HIPK2: variants seen among roughly 807,000 people sequenced by gnomAD.
HIPK2 encodes the protein homeodomain-interacting protein kinase 2.
Under a neutral mutation model 113.7 loss-of-function variants are expected in HIPK2, and 27 were observed. The ratio of observed to expected loss-of-function variants is 0.24; its 90% CI spans 0.17 to 0.33. The LOEUF is 0.33. HIPK2 is among the 10% of genes least tolerant of loss of function. The pLI is 1.00. For synonymous variants in HIPK2, 631 were observed against 642.2 expected (o/e 0.98, Z 0.26); for missense variants, 1,257 against 1,588.0 (o/e 0.79, Z 3.54).
chr7:139,596,444 C>T (rs1435685986), intron 12 of HIPK2, among the ~76,000 whole-genome samples: 3 of 152,108 alleles, frequency 2.0e-5, no homozygotes, highest in Non-Finnish European at 2.9e-5. Flanking sequence ...ATTGTGTGCC[C>T]GATTTTTATG....
chr7:139,741,369 T>C (rs1796094934), intron 1 of HIPK2, among the ~76,000 whole-genome samples: 1 of 152,164 alleles, frequency 6.6e-6, no homozygotes, highest in Admixed American at 6.5e-5. Context: ...CTGGACCCCA[T>C]CCTTCGTATC....
intron 1 of HIPK2, among the ~76,000 whole-genome samples, chr7:139,740,409 C>T (rs1796066309): frequency 6.6e-6 from 1 of 152,242 alleles, no homozygotes; most frequent in South Asian, 2.1e-4. Context: ...TGAAGAGGCG[C>T]TCTGTGCAAA....
chr7:139,603,003 G>A (rs1183552585), intron 10 of HIPK2, among the ~76,000 whole-genome samples: 1 of 152,190 alleles, frequency 6.6e-6, no homozygotes. Context: ...GGTGGCATGA[G>A]GGCGTTGCCA....
At chr7:139,734,320 C>T (rs971211568) in intron 1 of HIPK2, among the ~76,000 whole-genome samples, 2 of 152,184 alleles carry the variant, frequency 1.3e-5, no homozygotes, top group Admixed American at 6.5e-5. Flanking sequence ...CACCTAATAA[C>T]TTTTCTGAAC....
chr7:139,643,744 C>G (rs1801111860), intron 2 of HIPK2, among the ~76,000 whole-genome samples: 1 of 152,192 alleles, frequency 6.6e-6, no homozygotes, highest in Admixed American at 6.5e-5. Context: ...AAAAAGAAAA[C>G]TATGAATTGT....
At chr7:139,763,483 C>CA (rs1554459019) in intron 1 of HIPK2, among the ~76,000 whole-genome samples, 1 of 134,784 alleles carries the variant, frequency 7.4e-6, no homozygotes, top group Non-Finnish European at 1.5e-5. Flanking sequence ...CCCCCCCCCC[C>CA]ACACGCCCCT....
At chr7:139,773,129 T>A (rs1019442291) in intron 1 of HIPK2, among the ~76,000 whole-genome samples, 12 of 152,128 alleles carry the variant, frequency 7.9e-5, no homozygotes, top group Admixed American at 7.2e-4. Flanking sequence ...GTTTGCTGAA[T>A]GAATGCGTTA....
At chr7:139,743,624 C>T (rs1272627887) in intron 1 of HIPK2, among the ~76,000 whole-genome samples, 1 of 152,152 alleles carries the variant, frequency 6.6e-6, no homozygotes, top group Non-Finnish European at 1.5e-5. Flanking sequence ...TAGCCACTGC[C>T]CTGTGGATTC....
intron 1 of HIPK2, among the ~76,000 whole-genome samples, chr7:139,766,662 C>T (rs1249565545): frequency 1.4e-4 from 22 of 152,200 alleles, no homozygotes; most frequent in Non-Finnish European, 1.6e-4. Flanking sequence ...TAAGGGCATG[C>T]GCTGGCGACA....
intron 1 of HIPK2, among the ~76,000 whole-genome samples, chr7:139,742,786 C>T (rs1209992227): frequency 1.3e-5 from 2 of 152,188 alleles, no homozygotes; most frequent in Admixed American, 6.5e-5. Context: ...AAAAGACTTG[C>T]ACATCTAGGG....
intron 2 of HIPK2, among the ~76,000 whole-genome samples, chr7:139,633,324 A>G (rs1379842381): frequency 1.3e-5 from 2 of 152,042 alleles, no homozygotes; most frequent in Non-Finnish European, 2.9e-5. Flanking sequence ...GTGGGGAGGA[A>G]GAGGGCGATC....
chr7:139,767,674 AGCTTT>A (rs1346754940), intron 1 of HIPK2, among the ~76,000 whole-genome samples: 1 of 152,274 alleles, frequency 6.6e-6, no homozygotes, highest in Non-Finnish European at 1.5e-5. Context: ...CAGTTTCATC[AGCTTT>A]GCTTTAGGAA....
intron 5 of HIPK2, among the ~76,000 whole-genome samples, 200 bp downstream of exon 5, chr7:139,628,753 G>T (rs1800513198): frequency 6.6e-6 from 1 of 152,156 alleles, no homozygotes; most frequent in South Asian, 2.1e-4. Context: ...GATTTTAAAG[G>T]AGCTGGTATG....
intron 12 of HIPK2, among the ~76,000 whole-genome samples, chr7:139,588,861 G>A (rs1177689760): frequency 6.6e-6 from 1 of 152,212 alleles, no homozygotes; most frequent in African/African-American, 2.4e-5. Flanking sequence ...TGAGGGCCAG[G>A]GGAAGAGCTG....
At chr7:139,641,646 C>T (rs1302600859) in intron 2 of HIPK2, among the ~76,000 whole-genome samples, 5 of 152,078 alleles carry the variant, frequency 3.3e-5, no homozygotes, top group Admixed American at 6.6e-5. Context: ...CTGAGGACCC[C>T]GGTGGGCAGA....
chr7:139,628,670 G>A (rs1023315727), intron 5 of HIPK2, among the ~76,000 whole-genome samples: 1 of 152,316 alleles, frequency 6.6e-6, no homozygotes, highest in Admixed American at 6.5e-5. Context: ...CTGACCTAAG[G>A]TCATCCACTC....
At chr7:139,718,593 G>C (rs1041075356) in intron 1 of HIPK2, among the ~76,000 whole-genome samples, 3 of 152,128 alleles carry the variant, frequency 2.0e-5, no homozygotes, top group African/African-American at 7.2e-5. Flanking sequence ...AAAAGTTCCC[G>C]ATTCTCATGA....
In HIPK2 at chr7:139,626,757, C is replaced by T; in HGVS notation, c.1463G>A (p.Ser488Asn). 6.2e-7 allele frequency: 1 copy of T among 1,614,018 alleles called. No homozygotes were observed. The change falls in exon 6 of 15, where the codon AGC (serine) becomes AAC (asparagine). Residue 488 changes from serine to asparagine, a missense_variant. Coordinates refer to ENST00000406875, the MANE Select transcript of HIPK2 (RefSeq NM_022740.5). The stretch of plus-strand genomic sequence containing the variant: ...GTCAGCCTTTTCTACCAACATGTCG[C>T]TCCCTTCCAAATCTGTCGTCATGTT... ...QVNMTTDLEG[S>N]DMLVEKADRR... is the part of the protein sequence containing the mutation.
intron 2 of HIPK2, among the ~76,000 whole-genome samples, chr7:139,700,401 CT>C (rs1223108368): frequency 1.3e-5 from 2 of 152,168 alleles, no homozygotes; most frequent in African/African-American, 2.4e-5. Flanking sequence ...CAAGAGCTAC[CT>C]CAGAGCTATG....
Sources: gnomAD v4.1 joint callset for allele counts (sites outside exome capture counted in the v4.1 genomes callset) on GRCh38, gnomAD v4.1.1 for gene constraint, MANE v1.5 for transcripts, NCBI Gene and HGNC (gene_info 2026-07-23, HGNC 2026-07-21) for gene names.